Variants in UBR3 observed in about 807,000 individuals in gnomAD.
UBR3 encodes the protein E3 ubiquitin-protein ligase UBR3.
A neutral mutation model predicts 243.2 loss-of-function variants in UBR3; 85 were observed. The ratio of observed to expected loss-of-function variants is 0.35; its 90% CI spans 0.29 to 0.42. The LOEUF (loss-of-function observed/expected upper bound fraction) is 0.42. Ranked by LOEUF, UBR3 falls within the 10% of genes least tolerant of loss-of-function variation. The probability of loss-of-function intolerance (pLI) is 1.00; values close to 1 mark genes in which losing one functional copy is unlikely to be tolerated. For synonymous variants in UBR3, 748 were observed against 799.8 expected, an observed-to-expected ratio of 0.94 and a Z score of 1.09; for missense variants, 1,686 against 2,300.8, an observed-to-expected ratio of 0.73 and a Z score of 5.47.
chr2:169,861,306 C>T (rs1039326041), intron 1 of UBR3, among the ~76,000 whole-genome samples: 1 of 152,034 alleles, frequency 6.6e-6, no homozygotes, highest in Non-Finnish European at 1.5e-5. Context: ...TTTTCCTACT[C>T]GTCTTTTCAA....
chr2:169,897,300 G>A (rs977304767), intron 8 of UBR3, among the ~76,000 whole-genome samples: 4 of 151,856 alleles, frequency 2.6e-5, no homozygotes, highest in Non-Finnish European at 4.4e-5. Flanking sequence ...TACTCCCTTA[G>A]TGAGAACTTT....
chr2:170,062,727 A>G (rs1035632486), intron 35 of UBR3, among the ~76,000 whole-genome samples: 1 of 152,104 alleles, frequency 6.6e-6, no homozygotes, highest in Admixed American at 6.5e-5. Context: ...TTGTTACCTT[A>G]TGGCTTATTT....
chr2:169,986,103 A>G (rs949851354), intron 24 of UBR3, among the ~76,000 whole-genome samples: 3 of 152,194 alleles, frequency 2.0e-5, no homozygotes, highest in Non-Finnish European at 4.4e-5. Flanking sequence ...CATATATAAT[A>G]TGGTCATATC....
chr2:169,945,206 A>T (rs1306245300), intron 20 of UBR3, among the ~76,000 whole-genome samples: 1 of 151,276 alleles, frequency 6.6e-6, no homozygotes, highest in Non-Finnish European at 1.5e-5. Context: ...CTATAATTCC[A>T]ATTTTAGAGA....
intron 1 of UBR3, among the ~76,000 whole-genome samples, chr2:169,869,712 A>G (rs1036315353): frequency 6.6e-6 from 1 of 152,206 alleles, no homozygotes; most frequent in African/African-American, 2.4e-5. Flanking sequence ...AGATATCACA[A>G]AATGGTTTCT....
At chr2:170,073,155 T>C (rs2091735846) in intron 35 of UBR3, among the ~76,000 whole-genome samples, 3 of 152,150 alleles carry the variant, frequency 2.0e-5, no homozygotes, top group Admixed American at 1.3e-4. Flanking sequence ...AACCATTAGA[T>C]ATATAACAAC....
intron 35 of UBR3, 51 bp downstream of exon 35, chr2:170,061,494 G>C (rs2091455874): frequency 6.3e-7 from 1 of 1,591,092 alleles, no homozygotes; most frequent in Non-Finnish European, 8.5e-7. Flanking sequence ...TTCAGATGGA[G>C]TCTCTCTCTG....
At chr2:170,032,462 A>G (rs1292746983) in intron 31 of UBR3, among the ~76,000 whole-genome samples, 2 of 152,060 alleles carry the variant, frequency 1.3e-5, no homozygotes, top group Non-Finnish European at 2.9e-5. Context: ...TTGTTGCAGT[A>G]AAGTACTGTG....
At chr2:169,832,056 C>A (rs1335640744) in intron 1 of UBR3, among the ~76,000 whole-genome samples, 1 of 152,106 alleles carries the variant, frequency 6.6e-6, no homozygotes, top group Non-Finnish European at 1.5e-5. Flanking sequence ...GGAGAAGAAT[C>A]TTGAATCTAT....
chr2:169,870,418 C>G (rs528030208), intron 1 of UBR3, among the ~76,000 whole-genome samples: 1 of 151,342 alleles, frequency 6.6e-6, no homozygotes, highest in Non-Finnish European at 1.5e-5. Context: ...CATGAGCCAC[C>G]ATGTCCGGCC....
At chr2:169,928,649 T>G in intron 17 of UBR3, 78 bp from the exon 18 acceptor site, 1 of 1,223,778 alleles carries the variant, frequency 8.2e-7, no homozygotes, top group Non-Finnish European at 1.1e-6. Context: ...TTCAGCAAAA[T>G]GAGAAACTAG....
intron 19 of UBR3, among the ~76,000 whole-genome samples, chr2:169,936,875 G>T (rs907941790): frequency 6.6e-5 from 10 of 151,596 alleles, no homozygotes; most frequent in Admixed American, 3.3e-4. Context: ...GGCTGCATAG[G>T]ATTCCACGGT....
chr2:170,068,146 GA>G (rs774624420), intron 35 of UBR3, among the ~76,000 whole-genome samples: 4 of 152,086 alleles, frequency 2.6e-5, no homozygotes, highest in Non-Finnish European at 4.4e-5. Flanking sequence ...GCAGTTCTTA[GA>G]GGCGTATTTA....
chr2:169,968,280 G>A (rs976893320), intron 24 of UBR3, among the ~76,000 whole-genome samples: 9 of 152,098 alleles, frequency 5.9e-5, no homozygotes, highest in African/African-American at 2.2e-4. Context: ...TTACCCAACT[G>A]TGCTATCAAA....
At chr2:169,942,353 T>A in intron 19 of UBR3, 140 bp from the exon 20 acceptor site, 1 of 788,318 alleles carries the variant, frequency 1.3e-6, no homozygotes, top group East Asian at 2.7e-5. Flanking sequence ...AATAGATACC[T>A]CTTTGGCATT....
chr2:169,925,961 AG>A (rs960949188), intron 14 of UBR3, among the ~76,000 whole-genome samples: 10 of 152,182 alleles, frequency 6.6e-5, no homozygotes. Context: ...GAAAGGAGTG[AG>A]GGGAGAGCCT....
At chr2:169,828,908 A>AT in intron 1 of UBR3, among the ~76,000 whole-genome samples, 1 of 152,216 alleles carries the variant, frequency 6.6e-6, no homozygotes, top group East Asian at 1.9e-4. Flanking sequence ...GAGAAAAGAC[A>AT]TTTCAGAGTT....
chr2:169,935,858 T>C (rs903877625), intron 19 of UBR3, among the ~76,000 whole-genome samples: 2 of 152,320 alleles, frequency 1.3e-5, no homozygotes, highest in Admixed American at 6.5e-5. Context: ...TTTGGAACAA[T>C]TTATTAATCT....
chr2:169,896,047 A>T (rs1384854726), intron 7 of UBR3, among the ~76,000 whole-genome samples: 3 of 152,170 alleles, frequency 2.0e-5, no homozygotes, highest in African/African-American at 7.2e-5. Context: ...CTGTAGTCCC[A>T]GCACTTTGGG....
Sources: allele counts gnomAD v4.1 joint callset (sites outside exome capture counted in the v4.1 genomes callset), GRCh38; gene constraint gnomAD v4.1.1; transcripts MANE v1.5; gene names NCBI Gene and HGNC (gene_info 2026-07-23, HGNC 2026-07-21).